GEMIN4: variants seen among roughly 807,000 people sequenced by gnomAD.
GEMIN4 encodes gem nuclear organelle associated protein 4.
Under a neutral mutation model 76.8 loss-of-function variants are expected in GEMIN4, and 59 were observed. That is an observed-to-expected ratio of 0.77 (90% CI 0.62 to 0.95). GEMIN4 has a LOEUF of 0.95. Among genes scored for constraint, GEMIN4 ranks in the 40% least tolerant of loss-of-function variants. The probability of loss-of-function intolerance (pLI) is 0.00; values close to 1 mark genes in which losing one functional copy is unlikely to be tolerated. For synonymous variants in GEMIN4, 562 were observed against 559.7 expected (o/e 1.00, Z -0.06); for missense variants, 1,311 against 1,318.9 (o/e 0.99, Z 0.09).
rs1339629875 is a variant in GEMIN4 at position 745,590 on chromosome 17, C to G, written c.2453G>C (p.Trp818Ser). 1 of 1,611,262 alleles carries G rather than the reference C, an allele frequency of 6.2e-7. No homozygotes were observed. ...GYGAGTGLLA[W>S]MECCCVSSGI... ...GCTGGAGACGCAGCAGCACTCCATC[C>G]AGGCCAGGAGCCCCGTGCCAGCCCC... Residue 818 changes from tryptophan to serine, a missense_variant, in exon 2 of 2, where the codon TGG (tryptophan) becomes TCG (serine). Transcript: ENST00000319004. This position sits in a 1 kb window ranked among gnomAD's most constrained non-coding sequence, Gnocchi z 4.6.
At position 744,887 on chromosome 17, in the gene GEMIN4, C is replaced by A. The variant is rs777671907; in HGVS notation, c.3156G>T (p.Leu1052Phe). The change falls in exon 2 of 2, where the codon TTG (leucine) becomes TTT (phenylalanine). Residue 1052 changes from leucine (L) to phenylalanine (F), a missense_variant. Leu to Phe is a conservative substitution (Grantham distance 22). Transcript: ENST00000319004. ...IGPEERRQTL[L>F]QKMSSF is the part of the protein sequence containing the mutation. ...CAAGTCAGAAGCTGCTCATCTTCTG[C>A]AACAGGGTTTGGCGCCGTTCTTCAG... The A allele has an allele frequency of 6.2e-7, 1 of 1,611,394 alleles. No homozygotes were observed. Among genetic ancestry groups the A allele is most frequent in the Admixed American group, 1.7e-5 (1 of 59,858 alleles).
rs377571412 is a variant in GEMIN4 at position 747,465 on chromosome 17, A to G, written c.578T>C (p.Leu193Ser). ...SAMAHKYLPA[L>S]DEFPHPPKRL... Reference sequence around the variant, plus strand: ...CTTTGGAGGATGGGGGAACTCATCTAAGGCAGGCAGGTACTTATGGGCCAT... The same window carrying G: ...CTTTGGAGGATGGGGGAACTCATCTGAGGCAGGCAGGTACTTATGGGCCAT... The change falls in exon 2 of 2, where the codon TTA (leucine) becomes TCA (serine). Residue 193 changes from leucine (L) to serine (S), a missense_variant. Physicochemically the swap from Leu to Ser is moderately radical, Grantham distance 145. Transcript: ENST00000319004. 22 of 1,613,826 alleles carry G rather than the reference A, an allele frequency of 1.4e-5. No homozygotes were observed. The highest frequency in any genetic ancestry group is 1.9e-5 in the Non-Finnish European group (22 of 1,179,832).
rs1266867313 is a variant in GEMIN4 at position 749,390 on chromosome 17, A to G, written c.11-1358T>C. ...ACAGCAGCAATCACACGGCCACAGG[A>G]TAATGGGCACAGCAGCAATCACACA... On this transcript the variant is annotated intron_variant, in intron 1 of 1. Coordinates refer to ENST00000319004, the MANE Select transcript of GEMIN4 (RefSeq NM_015721.3). 7.6e-4 allele frequency: 89 copies of G among 117,620 alleles called. 1 individual carries two copies. Among genetic ancestry groups the G allele is most frequent in the South Asian group, 2.7e-3 (21 of 7,786 alleles). 7.3% of individuals were successfully genotyped at this position (117,620 alleles called of 1,614,324 possible).
Position 745,769 on chromosome 17 carries a change from C to G in GEMIN4, c.2274G>C (p.Trp758Cys), listed in dbSNP as rs1199033400. Residue 758 changes from tryptophan (W) to cysteine (C), a missense_variant, in exon 2 of 2, where the codon TGG becomes TGC. Around this residue, in one of 2 missense-constraint regions of GEMIN4, gnomAD observed 1,208 missense variants for 1,166.9 expected, o/e 1.04. Transcript: ENST00000319004. This position sits in a 1 kb window ranked among gnomAD's most constrained non-coding sequence, Gnocchi z 4.6. ...SPDVWIKSLS[W>C]LHRKLEQLDW... ...CTAGCTGTTCTAACTTGCGGTGGAG[C>G]CAGGACAGGGACTTGATCCAGACAT... The G allele has an allele frequency of 6.2e-7, 1 of 1,611,232 alleles. No homozygotes were observed. Among genetic ancestry groups the G allele is most frequent in the East Asian group, 2.2e-5 (1 of 44,790 alleles).
chr17:745,965 G>T lies in GEMIN4; in HGVS notation c.2078C>A (p.Ser693Tyr). 1 of 1,613,198 alleles carries T rather than the reference G, an allele frequency of 6.2e-7. No homozygotes were observed. ...CAAGCTGAAGAGGAGTGGAAACGGG[G>T]AGCAGGTCTGGAGCCAGTATTCCTC... The part of the protein sequence containing the change: ...CREEYWLQTC[S>Y]PFPLLFSLCQ... The change falls in exon 2 of 2, where the codon TCC (serine) becomes TAC (tyrosine). Residue 693 changes from serine (S) to tyrosine (Y), a missense_variant. Ser to Tyr is a moderately radical substitution (Grantham distance 144). Transcript: ENST00000319004. The surrounding 1 kb of genome is among the most constrained non-coding windows in gnomAD (Gnocchi z 4.6).
chr17:745,820 T>C lies in GEMIN4; in HGVS notation c.2223A>G (p.Ser741=). The C allele has an allele frequency of 1.2e-6, 2 of 1,613,152 alleles. No individual in the cohort carries two copies. The highest frequency in any genetic ancestry group is 2.2e-5 in the South Asian group (2 of 90,988). The change falls in exon 2 of 2, where the codon TCA becomes TCG. Residue 741 remains serine (S), a synonymous_variant. Coordinates refer to ENST00000319004, the MANE Select transcript of GEMIN4 (RefSeq NM_015721.3). This position sits in a 1 kb window ranked among gnomAD's most constrained non-coding sequence, Gnocchi z 4.6. ...CCGGGGAGAAGGTCTCAGCATTGGC[T>C]GATACAATCTCACACAGGAGCTCCA... ...HILELLCEIV[S]ANAETFSPDV...
At position 745,438 on chromosome 17, in the gene GEMIN4, A is replaced by C; in HGVS notation, c.2605T>G (p.Trp869Gly). Residue 869 changes from tryptophan (W) to glycine (G), a missense_variant, in exon 2 of 2, where the codon TGG (tryptophan) becomes GGG (glycine). This residue lies in a region of GEMIN4 where 1,208 missense variants were observed against 1,166.9 expected (regional missense o/e 1.04). Coordinates refer to ENST00000319004, the MANE Select transcript of GEMIN4 (RefSeq NM_015721.3). The surrounding 1 kb of genome is among the most constrained non-coding windows in gnomAD (Gnocchi z 4.6). The part of the protein sequence containing the change: ...QVMPWCSPQE[W>G]QRLHQLTRRL... Reference sequence around the variant, plus strand: ...CTGGTCAGCTGGTGAAGGCGCTGCCACTCCTGAGGGCTGCACCAAGGCATG... The same window carrying C: ...CTGGTCAGCTGGTGAAGGCGCTGCCCCTCCTGAGGGCTGCACCAAGGCATG... 1 of 1,612,426 alleles carries C rather than the reference A, an allele frequency of 6.2e-7. No individual in the cohort carries two copies. Among genetic ancestry groups the C allele is most frequent in the Non-Finnish European group, 8.5e-7 (1 of 1,179,672 alleles).
In GEMIN4 at chr17:745,924, G is replaced by A. The variant is rs34519093; in HGVS notation, c.2119C>T (p.Arg707Cys). The change falls in exon 2 of 2, where the codon CGC becomes TGC. Residue 707 changes from arginine to cysteine, a missense_variant. Around this residue, in one of 2 missense-constraint regions of GEMIN4, gnomAD observed 1,208 missense variants for 1,166.9 expected, o/e 1.04. Coordinates refer to ENST00000319004, the MANE Select transcript of GEMIN4 (RefSeq NM_015721.3). The surrounding 1 kb of genome is among the most constrained non-coding windows in gnomAD (Gnocchi z 4.6). The stretch of plus-strand genomic sequence containing the variant: ...GGAAGCTGCCAGTATTTGCTGAAGC[G>A]GTCCAAGAGCTGGCACAAGCTGAAG... Reference protein sequence around the residue: ...LLFSLCQLLDRFSKYWQLPKE... With the variant: ...LLFSLCQLLDCFSKYWQLPKE... 6,398 of 1,612,996 alleles carry A rather than the reference G, an allele frequency of 4.0e-3. 214 individuals are homozygous for A. The African/African-American group carries it at 0.071, about 18-fold the overall frequency.
chr17:752,738 G>T, upstream of GEMIN4: 1 of 460,890 alleles, frequency 2.2e-6, no homozygotes, highest in Non-Finnish European at 2.9e-6. Context: ...ACATGGTGGG[G>T]TTTACGCTGG....
Position 747,392 on chromosome 17 carries a change from G to C in GEMIN4, c.651C>G (p.Ala217=), listed in dbSNP as rs756158071. 3 of 1,613,700 alleles carry C rather than the reference G, an allele frequency of 1.9e-6. No homozygotes were observed. Among genetic ancestry groups the C allele is most frequent in the Non-Finnish European group, 2.5e-6 (3 of 1,179,888 alleles). ...TCTGTGTCAGCCCGCGGAGCAGCAT[G>C]GCCAACAGGGGCATGGTGGGGCACG... ...PDACPTMPLL[A]MLLRGLTQIQ... is the part of the protein sequence containing the mutation. The change falls in exon 2 of 2, where the codon GCC becomes GCG. Residue 217 remains alanine, a synonymous_variant. Transcript: ENST00000319004.
In GEMIN4 at chr17:745,308, G is replaced by A; in HGVS notation, c.2735C>T (p.Ser912Phe). The A allele has an allele frequency of 6.2e-7, 1 of 1,612,562 alleles. No individual in the cohort carries two copies. The highest frequency in any genetic ancestry group is 8.5e-7 in the Non-Finnish European group (1 of 1,179,638). Residue 912 changes from serine to phenylalanine, a missense_variant, in exon 2 of 2, where the codon TCC becomes TTC. By Grantham distance (155) the Ser-to-Phe change is radical (BLOSUM62 -2). Coordinates refer to ENST00000319004, the MANE Select transcript of GEMIN4 (RefSeq NM_015721.3). This position sits in a 1 kb window ranked among gnomAD's most constrained non-coding sequence, Gnocchi z 4.6. ...LKPFAQELQL[S>F]VLFLRTFQFL... ...CTGGAAAGTCCTCAGGAAGAGGACG[G>A]AGAGTTGCAACTCCTGGGCAAAGGG...
chr17:746,973 T>C lies in GEMIN4; in HGVS notation c.1070A>G (p.Gln357Arg). Residue 357 changes from glutamine to arginine, a missense_variant, in exon 2 of 2, where the codon CAG (glutamine) becomes CGG (arginine). Physicochemically the swap from Gln to Arg is conservative, Grantham distance 43. Coordinates refer to ENST00000319004, the MANE Select transcript of GEMIN4 (RefSeq NM_015721.3). The surrounding 1 kb of genome is among the most constrained non-coding windows in gnomAD (Gnocchi z 4.3). ...GCGGTTCAGGTAGAGCGTCGCGTTC[T>C]GGCTGAAGGAAGTCAGACTGTCGCA... ...RLCDSLTSFS[Q>R]NATLYLNRTS... 1 of 1,613,338 alleles carries C rather than the reference T, an allele frequency of 6.2e-7. No homozygotes were observed. Among genetic ancestry groups the C allele is most frequent in the Non-Finnish European group, 8.5e-7 (1 of 1,179,802 alleles).
intron 1 of GEMIN4, 123 bp downstream of exon 1, chr17:752,010 G>A (rs1357503759): frequency 1.5e-6 from 1 of 669,016 alleles, no homozygotes; most frequent in East Asian, 3.5e-5. Flanking sequence ...CCGCCCCGAC[G>A]CGGGGGACGT....
At chr17:753,865 T>C (rs11654315), upstream of GEMIN4, 5,213 of 152,374 alleles carry the variant, frequency 0.034, 140 homozygotes, top group African/African-American at 0.071. Flanking sequence ...AAGGCTGATT[T>C]ACTAATACCC....
In GEMIN4 at chr17:745,739, C is replaced by G; in HGVS notation, c.2304G>C (p.Trp768Cys). The change falls in exon 2 of 2, where the codon TGG (tryptophan) becomes TGC (cysteine). Residue 768 changes from tryptophan (W) to cysteine (C), a missense_variant. This residue lies in a region of GEMIN4 where 1,208 missense variants were observed against 1,166.9 expected (regional missense o/e 1.04). Coordinates refer to ENST00000319004, the MANE Select transcript of GEMIN4 (RefSeq NM_015721.3). This position sits in a 1 kb window ranked among gnomAD's most constrained non-coding sequence, Gnocchi z 4.6. Reference protein sequence around the residue: ...WLHRKLEQLDWTVGLRLKSFF... With the variant: ...WLHRKLEQLDCTVGLRLKSFF... ...AGCTCTTCAGCCTCAGGCCCACAGT[C>G]CAGTCTAGCTGTTCTAACTTGCGGT... The G allele has an allele frequency of 6.2e-7, 1 of 1,608,846 alleles. No homozygotes were observed. Among genetic ancestry groups the G allele is most frequent in the East Asian group, 2.2e-5 (1 of 44,720 alleles).
In GEMIN4 at chr17:747,838, C is replaced by T; in HGVS notation, c.205G>A (p.Ala69Thr). 2 of 1,613,688 alleles carry T rather than the reference C, an allele frequency of 1.2e-6. No individual in the cohort carries two copies. The highest frequency in any genetic ancestry group is 1.7e-6 in the Non-Finnish European group (2 of 1,179,808). Residue 69 changes from alanine to threonine, a missense_variant, in exon 2 of 2, where the codon GCC becomes ACC. Transcript: ENST00000319004. ...ACCTTGGCCCAGATGATGATCAGGG[C>T]TTTCTTCTTCCAGGCAAAGGGCTGG... Reference protein sequence around the residue: ...HSQPFAWKKKALIIIWAKVLQ... With the variant: ...HSQPFAWKKKTLIIIWAKVLQ...
At chr17:753,511 C>A, upstream of GEMIN4, 1 of 159,840 alleles carries the variant, frequency 6.3e-6, no homozygotes, top group South Asian at 1.3e-4. Context: ...GCTGAGGGCT[C>A]CTCGGGAATG....
rs34245365 is a variant in GEMIN4, at chr17:747,416, C to T, written c.627G>A (p.Ala209=). 6.8e-4 allele frequency: 1,098 copies of T among 1,613,798 alleles called. 14 individuals are homozygous for T. The African/African-American group carries it at 0.013, about 19-fold the overall frequency. ...TGGCCAACAGGGGCATGGTGGGGCA[C>T]GCGTCTGGGTCTGACCTAAGCCTCT... ...PPKRLRSDPD[A]CPTMPLLAML... Residue 209 remains alanine, a synonymous_variant, in exon 2 of 2, where the codon GCG becomes GCA. Coordinates refer to ENST00000319004, the MANE Select transcript of GEMIN4 (RefSeq NM_015721.3).
At chr17:750,849 G>C (rs2144202608) in intron 1 of GEMIN4, among the ~76,000 whole-genome samples, 1 of 152,308 alleles carries the variant, frequency 6.6e-6, no homozygotes, top group South Asian at 2.1e-4. Flanking sequence ...GGCTGAGACC[G>C]ACTCCCAGGG....
Sources: allele counts gnomAD v4.1 joint callset (sites outside exome capture counted in the v4.1 genomes callset), GRCh38; gene constraint gnomAD v4.1.1; regional missense constraint gnomAD v4.1.1; non-coding constraint Gnocchi (gnomAD v3.1); transcripts MANE v1.5; gene names NCBI Gene and HGNC (gene_info 2026-07-23, HGNC 2026-07-21).